The following AKAIN1 variants were observed in gnomAD, a reference collection of about 807,000 sequenced individuals.
AKAIN1 encodes the protein A-kinase anchor inhibitor 1, also known as A-kinase anchor protein inhibitor 1.
A neutral mutation model predicts 3.7 loss-of-function variants in AKAIN1; 3 were observed. The ratio of observed to expected loss-of-function variants is 0.82; its 90% CI spans 0.37 to 2.12. The LOEUF (loss-of-function observed/expected upper bound fraction) is 2.12. AKAIN1 is among the 30% of genes most tolerant of loss of function. The pLI, the probability that AKAIN1 is intolerant of heterozygous loss-of-function variation, is 0.06. For missense variants in AKAIN1, 82 were observed against 82.7 expected (o/e 0.99, Z 0.03); for synonymous variants, 31 against 30.8 (o/e 1.01, Z -0.02).
chr18:5,151,414 C>A (rs1026700727), intron 1 of AKAIN1, among the ~76,000 whole-genome samples: 1 of 152,186 alleles, frequency 6.6e-6, no homozygotes, highest in Non-Finnish European at 1.5e-5. Flanking sequence ...CCCTGCTTTG[C>A]TACCAAGCAA....
intron 1 of AKAIN1, among the ~76,000 whole-genome samples, chr18:5,149,379 AG>A (rs571539935): frequency 1.6e-4 from 25 of 152,326 alleles, no homozygotes; most frequent in African/African-American, 5.8e-4. Context: ...CGTTACCTTA[AG>A]CTATGGCAGA....
rs148370467 is a variant in AKAIN1 at position 5,149,866 on chromosome 18, G to T, written c.17-4111C>A. On this transcript the variant is annotated intron_variant, in intron 1 of 1. Coordinates refer to ENST00000434239, the MANE Select transcript of AKAIN1 (RefSeq NM_001145194.2). ...TTTGTTTTTGTTTTTGTTTTTTTCTGATGGGGTCTCACTATGTTGACCAGC... is the reference window on the plus strand; with the variant it reads ...TTTGTTTTTGTTTTTGTTTTTTTCTTATGGGGTCTCACTATGTTGACCAGC... Among the ~76,000 whole-genome samples, 366 of 152,030 alleles carry T rather than the reference G, an allele frequency of 2.4e-3. 1 individual carries two copies. The highest frequency in any genetic ancestry group is 8.0e-3 in the African/African-American group (330 of 41,452).
intron 1 of AKAIN1, among the ~76,000 whole-genome samples, chr18:5,146,505 A>G (rs77306682): frequency 6.6e-6 from 1 of 152,180 alleles, no homozygotes; most frequent in African/African-American, 2.4e-5. Flanking sequence ...AGTGTATATA[A>G]CCTCGCTGGG....
chr18:5,153,804 G>A (rs1022211283), intron 1 of AKAIN1, among the ~76,000 whole-genome samples: 2 of 152,078 alleles, frequency 1.3e-5, no homozygotes, highest in African/African-American at 4.8e-5. Flanking sequence ...TATGAACTGT[G>A]GAGTTTGGGT....
At chr18:5,179,812 C>A (rs1401031928) in intron 1 of AKAIN1, among the ~76,000 whole-genome samples, 3 of 152,130 alleles carry the variant, frequency 2.0e-5, no homozygotes, top group Non-Finnish European at 4.4e-5. Flanking sequence ...ATGCTCCTTC[C>A]TCGAGGACAT....
At chr18:5,167,622 G>A (rs2071174325) in intron 1 of AKAIN1, among the ~76,000 whole-genome samples, 1 of 152,036 alleles carries the variant, frequency 6.6e-6, no homozygotes, top group Non-Finnish European at 1.5e-5. Flanking sequence ...AGACTCTCAT[G>A]AGCCATTACC....
chr18:5,197,048 C>T lies in AKAIN1; in HGVS notation c.6G>A (p.Val2=). 6.4e-7 allele frequency: 1 copy of T among 1,551,568 alleles called. No homozygotes were observed. The highest frequency in any genetic ancestry group is 8.7e-7 in the Non-Finnish European group (1 of 1,146,886). Residue 2 remains valine, a synonymous_variant, in exon 1 of 2, where the codon GTG becomes GTA. Transcript: ENST00000434239. This position sits in a 1 kb window ranked among gnomAD's most constrained non-coding sequence, Gnocchi z 6.9. M[V]FAPGEKPGNE... ...CAAGGTGCGGTGTACCTGGAGCGAACACCATGATTTCTTCCAGCCGCTACG... is the reference window on the plus strand; with the variant it reads ...CAAGGTGCGGTGTACCTGGAGCGAATACCATGATTTCTTCCAGCCGCTACG...
intron 1 of AKAIN1, among the ~76,000 whole-genome samples, chr18:5,192,645 A>G (rs542520622): frequency 6.6e-6 from 1 of 152,114 alleles, no homozygotes; most frequent in Non-Finnish European, 1.5e-5. Flanking sequence ...ATAAATTTCT[A>G]TGATTTGTAA....
At chr18:5,145,914 T>C (rs918917310) in intron 1 of AKAIN1, among the ~76,000 whole-genome samples, 159 bp from the exon 2 acceptor site, 6 of 152,124 alleles carry the variant, frequency 3.9e-5, no homozygotes, top group African/African-American at 7.2e-5. Flanking sequence ...GCACATACAA[T>C]TGGGGGATTG....
At chr18:5,161,476 C>T (rs572224796) in intron 1 of AKAIN1, among the ~76,000 whole-genome samples, 217 of 152,182 alleles carry the variant, frequency 1.4e-3, no homozygotes, top group African/African-American at 5.0e-3. Flanking sequence ...GTGATGACAA[C>T]TTGCTGTCTT....
chr18:5,171,000 A>C (rs1001992283), intron 1 of AKAIN1: 3 of 152,228 alleles, frequency 2.0e-5, no homozygotes, highest in Non-Finnish European at 4.4e-5. Context: ...CATTCAAGTC[A>C]TCCCAGCTGA....
At chr18:5,167,597 G>A (rs937196858) in intron 1 of AKAIN1, among the ~76,000 whole-genome samples, 3 of 152,052 alleles carry the variant, frequency 2.0e-5, no homozygotes, top group African/African-American at 4.8e-5. Flanking sequence ...TAACAGAGGT[G>A]ATGTTTAATA....
At chr18:5,166,179 C>G (rs182452511) in intron 1 of AKAIN1, among the ~76,000 whole-genome samples, 7 of 152,020 alleles carry the variant, frequency 4.6e-5, no homozygotes, top group Non-Finnish European at 1.5e-5. Context: ...CCTAAAATAC[C>G]ATATTATCAT....
At chr18:5,167,020 A>G (rs1177841149) in intron 1 of AKAIN1, among the ~76,000 whole-genome samples, 1 of 152,076 alleles carries the variant, frequency 6.6e-6, no homozygotes, top group African/African-American at 2.4e-5. Flanking sequence ...AGTAAATGAT[A>G]CATGAAGGAC....
In AKAIN1 at chr18:5,143,442, A is replaced by AT. The variant is rs745924470; in HGVS notation, c.*2119dup. ...TACCTTCCAGACCCACTTACCTTGA[A>AT]TTTTTTAGATCAAAAGACCACTTCT... On this transcript the variant is annotated 3_prime_UTR_variant, in exon 2 of 2. Coordinates refer to ENST00000434239, the MANE Select transcript of AKAIN1 (RefSeq NM_001145194.2). 3.3e-5 allele frequency among the ~76,000 whole-genome samples: 5 copies of AT among 152,088 alleles called. No individual in the cohort carries two copies. Among genetic ancestry groups the AT allele is most frequent in the Non-Finnish European group, 5.9e-5 (4 of 68,020 alleles).
intron 1 of AKAIN1, among the ~76,000 whole-genome samples, chr18:5,152,033 T>C (rs1735990543): frequency 6.6e-6 from 1 of 152,172 alleles, no homozygotes; most frequent in South Asian, 2.1e-4. Flanking sequence ...GGGTTTATAA[T>C]TGGGAGCTAT....
chr18:5,197,004 T>C lies in AKAIN1; in HGVS notation c.16+34A>G. The stretch of plus-strand genomic sequence containing the variant: ...TCCGTCCTCTACCCTGCTCCCCTCC[T>C]AGACACTTGGTGAAAAAGCAAGGTG... On this transcript the variant is annotated intron_variant, in intron 1 of 1. Transcript: ENST00000434239. The surrounding 1 kb of genome is among the most constrained non-coding windows in gnomAD (Gnocchi z 6.9). 1 of 1,533,386 alleles carries C rather than the reference T, an allele frequency of 6.5e-7. No individual in the cohort carries two copies. The allele number at this position is 1,533,386 out of a possible 1,614,324, so 95.0% of individuals were successfully genotyped here.
intron 1 of AKAIN1, among the ~76,000 whole-genome samples, chr18:5,149,872 G>T (rs1171351109): frequency 2.6e-5 from 4 of 152,020 alleles, no homozygotes; most frequent in Non-Finnish European, 4.4e-5. Context: ...TTCTGATGGG[G>T]TCTCACTATG....
chr18:5,175,323 G>A (rs1050803276), intron 1 of AKAIN1, among the ~76,000 whole-genome samples: 3 of 152,222 alleles, frequency 2.0e-5, no homozygotes, highest in East Asian at 1.9e-4. Context: ...ACAGGACATC[G>A]ACAACTGAGT....
Sources: gnomAD v4.1 joint callset for allele counts (sites outside exome capture counted in the v4.1 genomes callset) on GRCh38, gnomAD v4.1.1 for gene constraint, Gnocchi (gnomAD v3.1) non-coding constraint, MANE v1.5 for transcripts, NCBI Gene and HGNC (gene_info 2026-07-23, HGNC 2026-07-21) for gene names.